NOS1: variants seen among roughly 807,000 people sequenced by gnomAD.
The protein encoded by NOS1 is NOS type I.
In NOS1, 51 loss-of-function variants were observed where a neutral mutation model predicts 164.5. That is an observed-to-expected ratio of 0.31 (90% confidence interval 0.25 to 0.39). The LOEUF is 0.39. Among genes scored for constraint, NOS1 ranks in the 10% least tolerant of loss-of-function variants. The pLI, the probability that NOS1 is intolerant of heterozygous loss-of-function variation, is 1.00. For missense variants in NOS1, 1,362 were observed against 1,885.6 expected, an observed-to-expected ratio of 0.72 and a Z score of 5.14; for synonymous variants, 719 against 745.8, an observed-to-expected ratio of 0.96 and a Z score of 0.59.
chr12:117,208,571 C>T lies in NOS1; in HGVS notation c.*6738G>A. ...AGTCTTAACAATCACAACGAGAACA[C>T]AACAATGAAAACAGTGGCGGCAGAG... On this transcript the variant is annotated 3_prime_UTR_variant, in exon 29 of 29. Coordinates refer to ENST00000317775, the MANE Select transcript of NOS1 (RefSeq NM_000620.5). The T allele has an allele frequency of 8.3e-7, 1 of 1,197,760 alleles. No individual in the cohort carries two copies. Among genetic ancestry groups the T allele is most frequent in the Admixed American group, 3.2e-5 (1 of 31,356 alleles). 74.2% of individuals were successfully genotyped at this position (1,197,760 alleles called of 1,614,324 possible). A position where few individuals can be genotyped will look rare whatever the true frequency, so the allele number is the denominator to read the frequency against.
At position 117,220,235 on chromosome 12, in the gene NOS1, G is replaced by A. The variant is rs561122952; in HGVS notation, c.4010C>T (p.Ala1337Val). 6.8e-6 allele frequency: 11 copies of A among 1,612,100 alleles called. No homozygotes were observed. The highest frequency in any genetic ancestry group is 3.3e-5 in the Admixed American group (2 of 59,964). Reference protein sequence around the residue: ...YVQDILQEQLAESVYRALKEQ... With the variant: ...YVQDILQEQLVESVYRALKEQ... ...CTTCAGGGCTCGGTACACAGACTCC[G>A]CCAGCTGCTCCTGCAGGATGTCCTG... is the stretch of plus-strand genomic sequence containing the variant. The change falls in exon 27 of 29, where the codon GCG (alanine) becomes GTG (valine). Residue 1337 changes from alanine to valine, a missense_variant. Transcript: ENST00000317775.
At chr12:117,344,888 C>T (rs1244768014) in intron 1 of NOS1, among the ~76,000 whole-genome samples, 1 of 152,168 alleles carries the variant, frequency 6.6e-6, no homozygotes, top group African/African-American at 2.4e-5. Context: ...TTTCACATTA[C>T]ATTTTGGAGA....
intron 22 of NOS1, among the ~76,000 whole-genome samples, chr12:117,228,834 G>A (rs1474540477): frequency 6.6e-6 from 1 of 152,120 alleles, no homozygotes; most frequent in African/African-American, 2.4e-5. Flanking sequence ...AGGCTGGAGT[G>A]CAACGGCACG....
chr12:117,317,939 A>C (rs1236913704), intron 2 of NOS1, among the ~76,000 whole-genome samples: 1 of 152,142 alleles, frequency 6.6e-6, no homozygotes, highest in Non-Finnish European at 1.5e-5. Flanking sequence ...TAGGAGGCCG[A>C]GGTGGGAAGT....
intron 8 of NOS1, among the ~76,000 whole-genome samples, chr12:117,278,526 T>A (rs1165263222): frequency 6.6e-6 from 1 of 152,148 alleles, no homozygotes; most frequent in Non-Finnish European, 1.5e-5. Context: ...TTTGTAATAA[T>A]ATAAGGTATT....
chr12:117,279,751 C>T (rs1225353674), intron 8 of NOS1, among the ~76,000 whole-genome samples: 1 of 152,200 alleles, frequency 6.6e-6, no homozygotes, highest in East Asian at 1.9e-4. Context: ...AGTTAGTGCT[C>T]AGCCAAGTGG....
intron 17 of NOS1, among the ~76,000 whole-genome samples, chr12:117,249,485 T>C (rs1163209564): frequency 1.3e-5 from 2 of 152,230 alleles, no homozygotes; most frequent in East Asian, 3.8e-4. Context: ...ATAACTAGAT[T>C]AGTTTTAAAT....
intron 20 of NOS1, among the ~76,000 whole-genome samples, chr12:117,241,690 T>C (rs145204495): frequency 6.6e-6 from 1 of 152,286 alleles, no homozygotes; most frequent in African/African-American, 2.4e-5. Context: ...GCAGACCTGG[T>C]GTGATCATTT....
chr12:117,271,380 C>T (rs757411945), intron 10 of NOS1, among the ~76,000 whole-genome samples: 10 of 151,946 alleles, frequency 6.6e-5, no homozygotes, highest in African/African-American at 2.2e-4. Context: ...CTGGTTCAAG[C>T]GATTCTCCTG....
chr12:117,276,579 C>T (rs941149495), intron 9 of NOS1, among the ~76,000 whole-genome samples: 1 of 151,774 alleles, frequency 6.6e-6, no homozygotes, highest in Non-Finnish European at 1.5e-5. Context: ...CACCATGCCT[C>T]TATTTCTTTC....
Position 117,250,177 on chromosome 12 carries a change from G to A in NOS1, c.2649-2655C>T, listed in dbSNP as rs546650063. Reference sequence around the variant, plus strand: ...GGGTGGGTCCAGGTGCCTCACAGGTGTAAGTTAATGTAGGTTAATATCCAC... The same window carrying A: ...GGGTGGGTCCAGGTGCCTCACAGGTATAAGTTAATGTAGGTTAATATCCAC... On this transcript the variant is annotated intron_variant, in intron 17 of 28. Coordinates refer to ENST00000317775, the MANE Select transcript of NOS1 (RefSeq NM_000620.5). 2.6e-5 allele frequency among the ~76,000 whole-genome samples: 4 copies of A among 152,118 alleles called. No individual in the cohort carries two copies. The South Asian group carries it at 8.3e-4, about 32-fold the overall frequency.
rs996775518 is a variant in NOS1 at position 117,210,929 on chromosome 12, A to G, written c.*4380T>C. 2 of 982,920 alleles carry G rather than the reference A, an allele frequency of 2.0e-6. No homozygotes were observed. Among genetic ancestry groups the G allele is most frequent in the African/African-American group, 3.5e-5 (2 of 57,076 alleles). The allele number at this position is 982,920 out of a possible 1,614,324, so 60.9% of individuals were successfully genotyped here. On this transcript the variant is annotated 3_prime_UTR_variant, in exon 29 of 29. Coordinates refer to ENST00000317775, the MANE Select transcript of NOS1 (RefSeq NM_000620.5). ...CTCTTCAGAGACCTCTCTCTCAGCT[A>G]GGGGCAAGATGTTTTATTTTATTTT...
Position 117,214,616 on chromosome 12 carries a change from C to T in NOS1, c.*693G>A. 1 of 985,408 alleles carries T rather than the reference C, an allele frequency of 1.0e-6. No individual in the cohort carries two copies. The highest frequency in any genetic ancestry group is 4.7e-5 in the South Asian group (1 of 21,284). The allele number at this position is 985,408 out of a possible 1,614,324, so 61.0% of individuals were successfully genotyped here. A position where few individuals can be genotyped will look rare whatever the true frequency, so the allele number is the denominator to read the frequency against. ...GAGACAGCCCCTTTAATCAATTTCC[C>T]ACTCCTCTCCCCATGCCCTGAACCC... On this transcript the variant is annotated 3_prime_UTR_variant, in exon 29 of 29. Transcript: ENST00000317775.
chr12:117,325,959 T>G (rs1875224653), intron 2 of NOS1, among the ~76,000 whole-genome samples: 1 of 152,258 alleles, frequency 6.6e-6, no homozygotes, highest in Admixed American at 6.5e-5. Context: ...TTATATTAGA[T>G]TTTAAAAATA....
rs3070338 is a variant in NOS1 at position 117,221,818 on chromosome 12, A to ATT, written c.3975+895_3975+896dup. 4.5e-4 allele frequency among the ~76,000 whole-genome samples: 50 copies of ATT among 111,550 alleles called. No homozygotes were observed. The East Asian group carries it at 8.3e-3, about 19-fold the overall frequency. 73.2% of individuals were successfully genotyped at this position (111,550 alleles called of 152,430 possible). On this transcript the variant is annotated intron_variant, in intron 26 of 28. Transcript: ENST00000317775. Reference sequence around the variant, plus strand: ...ACGCCACCACGCCCAGCTAACTTAAATTTTTTTTTTTTTTTTTTTTTTGTA... The same window carrying ATT: ...ACGCCACCACGCCCAGCTAACTTAAATTTTTTTTTTTTTTTTTTTTTTTTGTA...
intron 8 of NOS1, among the ~76,000 whole-genome samples, chr12:117,278,808 T>C (rs956209636): frequency 6.7e-6 from 1 of 149,566 alleles, no homozygotes; most frequent in Admixed American, 6.7e-5. Flanking sequence ...TTGATATTAA[T>C]ATTAATTTAT....
chr12:117,320,786 C>T (rs1184345442), intron 2 of NOS1, among the ~76,000 whole-genome samples: 1 of 152,168 alleles, frequency 6.6e-6, no homozygotes, highest in Non-Finnish European at 1.5e-5. Flanking sequence ...AACCCTGTTC[C>T]TGTCTCAGGG....
In NOS1 at chr12:117,237,677, G is replaced by GAA. The variant is rs11411313; in HGVS notation, c.3042-2921_3042-2920dup. Among the ~76,000 whole-genome samples, 361 of 147,804 alleles carry GAA rather than the reference G, an allele frequency of 2.4e-3. 1 individual carries two copies. The highest frequency in any genetic ancestry group is 7.7e-3 in the African/African-American group (312 of 40,268). On this transcript the variant is annotated intron_variant, in intron 20 of 28. Coordinates refer to ENST00000317775, the MANE Select transcript of NOS1 (RefSeq NM_000620.5). ...ATTTGCTAATGTCCAGCATTAAATGGAAAAAAAAAAACAGAAAATGTGCAT... is the reference window on the plus strand; with the variant it reads ...ATTTGCTAATGTCCAGCATTAAATGGAAAAAAAAAAAAACAGAAAATGTGCAT...
intron 20 of NOS1, among the ~76,000 whole-genome samples, chr12:117,236,562 T>G (rs945674445): frequency 3.3e-5 from 5 of 152,172 alleles, no homozygotes; most frequent in African/African-American, 1.2e-4. Context: ...CTTGCACGAC[T>G]GAGCCTTCTC....
Sources: allele counts gnomAD v4.1 joint callset (sites outside exome capture counted in the v4.1 genomes callset), GRCh38; gene constraint gnomAD v4.1.1; transcripts MANE v1.5; gene names NCBI Gene and HGNC (gene_info 2026-07-23, HGNC 2026-07-21).